The following CASZ1 variants were observed in gnomAD, a reference collection of about 807,000 sequenced individuals.
CASZ1 encodes the protein zinc finger protein castor homolog 1.
A neutral mutation model predicts 135.2 loss-of-function variants in CASZ1; 28 were observed. That is an observed-to-expected ratio of 0.21 (90% CI 0.15 to 0.28). The LOEUF (loss-of-function observed/expected upper bound fraction) is 0.28, where lower values mean the gene tolerates loss of function less well. Ranked by LOEUF, CASZ1 falls within the 10% of genes least tolerant of loss-of-function variation. The probability of loss-of-function intolerance (pLI) is 1.00; values close to 1 mark genes in which losing one functional copy is unlikely to be tolerated. For missense variants in CASZ1, 2,161 were observed against 2,453.3 expected (o/e 0.88, Z 2.52); for synonymous variants, 1,068 against 1,073.4 (o/e 0.99, Z 0.10).
intron 2 of CASZ1, among the ~76,000 whole-genome samples, chr1:10,743,127 C>T (rs1348701425): frequency 1.3e-5 from 2 of 152,050 alleles, no homozygotes; most frequent in Admixed American, 6.5e-5. Flanking sequence ...TCCCTATGGT[C>T]CCTGAAGCTC....
rs926065698 is a variant in CASZ1, at chr1:10,711,284, A to G, written c.-76-5740T>C. 1.3e-5 allele frequency among the ~76,000 whole-genome samples: 2 copies of G among 152,202 alleles called. No homozygotes were observed. The highest frequency in any genetic ancestry group is 2.4e-5 in the African/African-American group (1 of 41,454). On this transcript the variant is annotated intron_variant, in intron 2 of 20. Coordinates refer to ENST00000377022, the MANE Select transcript of CASZ1 (RefSeq NM_001079843.3). The surrounding 1 kb of genome is among the most constrained non-coding windows in gnomAD (Gnocchi z 4.4). The stretch of plus-strand genomic sequence containing the variant: ...TTCTTCCATTGAAAAGTGGGGGCCC[A>G]TGAGTACCTAGCTCAAAGGAAGTTC...
intron 4 of CASZ1, among the ~76,000 whole-genome samples, chr1:10,686,717 TA>T (rs1638603839): frequency 6.6e-6 from 1 of 152,198 alleles, no homozygotes; most frequent in Non-Finnish European, 1.5e-5. Context: ...AAACGAGGAA[TA>T]AACGGCCACC....
At chr1:10,714,176 C>T (rs965982427) in intron 2 of CASZ1, among the ~76,000 whole-genome samples, 10 of 152,036 alleles carry the variant, frequency 6.6e-5, no homozygotes, top group Admixed American at 5.9e-4. Flanking sequence ...TGTGGTGGCA[C>T]GCACCTGTAG....
chr1:10,784,278 TG>T (rs956812770), intron 1 of CASZ1, among the ~76,000 whole-genome samples: 1 of 151,960 alleles, frequency 6.6e-6, no homozygotes, highest in Non-Finnish European at 1.5e-5. Flanking sequence ...CACTGTCCCA[TG>T]GGGGGGTCCT....
Position 10,700,080 on chromosome 1 carries a change from G to GACACATACACACACACAC in CASZ1, c.-24+5411_-24+5412insGTGTGTGTGTGTATGTGT, listed in dbSNP as rs1639028543. Among the ~76,000 whole-genome samples the GACACATACACACACACAC allele has an allele frequency of 1.5e-5, 2 of 134,016 alleles. No individual in the cohort carries two copies. The highest frequency in any genetic ancestry group is 3.2e-5 in the Non-Finnish European group (2 of 62,400). 87.9% of individuals were successfully genotyped at this position (134,016 alleles called of 152,430 possible). On this transcript the variant is annotated intron_variant, in intron 3 of 20. Transcript: ENST00000377022. The surrounding 1 kb of genome is among the most constrained non-coding windows in gnomAD (Gnocchi z 4.2). ...AGACAGAGAGAGAAAGAGAGATAGA[G>GACACATACACACACACAC]ACACACACACACACACACACACACA...
chr1:10,738,851 C>T (rs914532317), intron 2 of CASZ1, among the ~76,000 whole-genome samples: 6 of 151,136 alleles, frequency 4.0e-5, no homozygotes, highest in Non-Finnish European at 5.9e-5. Flanking sequence ...ACTTTTAGTC[C>T]CAATTTAATA....
chr1:10,665,651 C>A, intron 4 of CASZ1, 80 bp from the exon 5 acceptor site: 1 of 1,413,660 alleles, frequency 7.1e-7, no homozygotes, highest in Admixed American at 2.7e-5. Flanking sequence ...GCCCTGCATC[C>A]CCCAAGCTGC....
chr1:10,672,297 C>T (rs939637313), intron 4 of CASZ1, among the ~76,000 whole-genome samples: 9 of 151,246 alleles, frequency 6.0e-5, no homozygotes, highest in African/African-American at 1.7e-4. Context: ...CAACATGCCC[C>T]GCGCCCGGGC....
chr1:10,795,005 C>G (rs1010025779), intron 1 of CASZ1, among the ~76,000 whole-genome samples: 1 of 151,976 alleles, frequency 6.6e-6, no homozygotes, highest in Admixed American at 6.5e-5. Context: ...CGCCAGCTCC[C>G]GGCAGTGCTG....
intron 3 of CASZ1, chr1:10,704,108 G>T (rs1373069238): frequency 6.6e-6 from 1 of 152,328 alleles, no homozygotes; most frequent in Non-Finnish European, 1.5e-5. Flanking sequence ...CAGAGAACAA[G>T]GCACGGCGTG....
intron 4 of CASZ1, among the ~76,000 whole-genome samples, chr1:10,691,269 C>T (rs1190479362): frequency 2.0e-5 from 3 of 152,100 alleles, no homozygotes; most frequent in East Asian, 1.9e-4. Context: ...TGAATTAGGA[C>T]GACATCGGCA....
At chr1:10,684,054 G>A (rs926855825) in intron 4 of CASZ1, among the ~76,000 whole-genome samples, 2 of 152,180 alleles carry the variant, frequency 1.3e-5, no homozygotes, top group Admixed American at 1.3e-4. Context: ...GTATCTCCGG[G>A]CCTCCAGCTT....
In CASZ1 at chr1:10,653,674, G is replaced by A. The variant is rs781500303; in HGVS notation, c.2383C>T (p.Leu795=). ...PLALALSNSG[L]PTPTPYFPIL... is the part of the protein sequence containing the mutation. ...GGGAAGTAGGGCGTGGGGGTGGGCA[G>A]GCCCGAGTTGGAGAGGGCCAGGGCC... The change falls in exon 11 of 21, where the codon CTG becomes TTG. Residue 795 remains leucine, a synonymous_variant. Coordinates refer to ENST00000377022, the MANE Select transcript of CASZ1 (RefSeq NM_001079843.3). The A allele has an allele frequency of 1.3e-6, 2 of 1,560,840 alleles. No homozygotes were observed. The highest frequency in any genetic ancestry group is 1.7e-4 in the Middle Eastern group (1 of 5,796).
chr1:10,665,074 G>A lies in CASZ1; in HGVS notation c.505+9C>T, dbSNP rs1643182895. On this transcript the variant is annotated intron_variant, in intron 5 of 20. Coordinates refer to ENST00000377022, the MANE Select transcript of CASZ1 (RefSeq NM_001079843.3). ...GCCTTCAGCCTCCCTTCGAAGGCCA[G>A]GCACCCACCTGAAGCCTGCCTGGTG... The A allele has an allele frequency of 6.7e-7, 1 of 1,500,808 alleles. No homozygotes were observed. The highest frequency in any genetic ancestry group is 1.4e-5 in the South Asian group (1 of 73,370). 93.0% of individuals were successfully genotyped at this position (1,500,808 alleles called of 1,614,324 possible). A position where few individuals can be genotyped will look rare whatever the true frequency, so the allele number is the denominator to read the frequency against.
intron 2 of CASZ1, among the ~76,000 whole-genome samples, chr1:10,732,881 A>G (rs1211324210): frequency 6.6e-6 from 1 of 152,136 alleles, no homozygotes; most frequent in Non-Finnish European, 1.5e-5. Context: ...TCTTGCCACC[A>G]GTGTGCAATT....
chr1:10,649,339 G>A lies in CASZ1; in HGVS notation c.2979C>T (p.Ala993=), dbSNP rs1642480833. 4.4e-6 allele frequency: 7 copies of A among 1,599,102 alleles called. No individual in the cohort carries two copies. The highest frequency in any genetic ancestry group is 1.1e-5 in the South Asian group (1 of 88,898). The change falls in exon 14 of 21, where the codon GCC becomes GCT. Residue 993 remains alanine (A), a synonymous_variant. Transcript: ENST00000377022. The stretch of plus-strand genomic sequence containing the variant: ...ACTTCTCCTGAACCAGCGCCTTCAC[G>A]GCCTTGCCTAGGAAGGGCGAGGGCT... ...AAEPSPFLGK[A]VKALVQEKLA...
intron 4 of CASZ1, among the ~76,000 whole-genome samples, chr1:10,691,641 C>T (rs1557510438): frequency 1.3e-5 from 2 of 152,216 alleles, no homozygotes; most frequent in Non-Finnish European, 1.5e-5. Flanking sequence ...AGAGACGAGG[C>T]CCATGGCCCC....
Position 10,647,707 on chromosome 1 carries a change from C to G in CASZ1, c.3497+94G>C. 6.4e-7 allele frequency: 1 copy of G among 1,574,582 alleles called. No individual in the cohort carries two copies. ...AGAGGCTGGGGACAGCAGCACCATC[C>G]GCAGTGAGGAACAGGGCCTCCTAGC... is the stretch of plus-strand genomic sequence containing the variant. On this transcript the variant is annotated intron_variant, in intron 16 of 20. Transcript: ENST00000377022. This position sits in a 1 kb window ranked among gnomAD's most constrained non-coding sequence, Gnocchi z 4.9.
At chr1:10,645,241 C>T (rs1289337366) in intron 17 of CASZ1, among the ~76,000 whole-genome samples, 153 bp from the exon 18 acceptor site, 1 of 152,168 alleles carries the variant, frequency 6.6e-6, no homozygotes, top group East Asian at 1.9e-4. Context: ...TGTTAAAAAG[C>T]AGCGCAGGGC....
Sources: gnomAD v4.1 joint callset for allele counts (sites outside exome capture counted in the v4.1 genomes callset) on GRCh38, gnomAD v4.1.1 for gene constraint, Gnocchi (gnomAD v3.1) non-coding constraint, MANE v1.5 for transcripts, NCBI Gene and HGNC (gene_info 2026-07-23, HGNC 2026-07-21) for gene names.